Variants in IRS1 observed in about 807,000 individuals in gnomAD.
The protein encoded by IRS1 is insulin receptor substrate 1.
In IRS1, 34 loss-of-function variants were observed where a neutral mutation model predicts 65.6. That is an observed-to-expected ratio of 0.52 (90% CI 0.39 to 0.69). The LOEUF is 0.69. Among genes scored for constraint, IRS1 ranks in the 30% least tolerant of loss-of-function variants. The pLI is 0.00. For synonymous variants in IRS1, 699 were observed against 683.5 expected (o/e 1.02, Z -0.35); for missense variants, 1,641 against 1,720.2 (o/e 0.95, Z 0.81).
At chr2:226,791,775 G>T (rs965916411) in intron 1 of IRS1, among the ~76,000 whole-genome samples, 1 of 151,964 alleles carries the variant, frequency 6.6e-6, no homozygotes, top group South Asian at 2.1e-4. Context: ...ACCCAGAGCC[G>T]CGCGGCTGTG....
Position 226,795,369 on chromosome 2 carries a change from C to G in IRS1, c.3370G>C (p.Ala1124Pro), listed in dbSNP as rs1216877388. The G allele has an allele frequency of 6.2e-7, 1 of 1,613,118 alleles. No individual in the cohort carries two copies. Among genetic ancestry groups the G allele is most frequent in the Admixed American group, 1.7e-5 (1 of 60,034 alleles). Reference protein sequence around the residue: ...GNTVPFGAGAAVGGGGGSSSS... With the variant: ...GNTVPFGAGAPVGGGGGSSSS... ...CTGCTACCGCCACCGCCCCCTACTGCTGCCCCCGCTCCAAAGGGCACTGTG... is the reference window on the plus strand; with the variant it reads ...CTGCTACCGCCACCGCCCCCTACTGGTGCCCCCGCTCCAAAGGGCACTGTG... The change falls in exon 1 of 2, where the codon GCA becomes CCA. Residue 1124 changes from alanine (A) to proline (P), a missense_variant. This residue lies in a region of IRS1 where 1,324 missense variants were observed against 1,361.0 expected (regional missense o/e 0.97). Coordinates refer to ENST00000305123, the MANE Select transcript of IRS1 (RefSeq NM_005544.3).
intron 1 of IRS1, among the ~76,000 whole-genome samples, chr2:226,783,247 C>T (rs1178619153): frequency 6.6e-6 from 1 of 152,234 alleles, no homozygotes; most frequent in African/African-American, 2.4e-5. Context: ...TGAATCTGCA[C>T]TTGGCCCACA....
intron 1 of IRS1, among the ~76,000 whole-genome samples, chr2:226,787,830 G>A (rs1226840155): frequency 6.6e-6 from 1 of 152,104 alleles, no homozygotes; most frequent in Admixed American, 6.5e-5. Flanking sequence ...ATGATGATTG[G>A]AGAAGATTAG....
intron 1 of IRS1, among the ~76,000 whole-genome samples, chr2:226,751,572 C>T (rs367640005): frequency 2.0e-5 from 3 of 151,982 alleles, no homozygotes; most frequent in Non-Finnish European, 2.9e-5. Flanking sequence ...CGTGAGCCAC[C>T]GCGCCCGGCC....
chr2:226,791,643 C>T, intron 1 of IRS1, among the ~76,000 whole-genome samples: 1 of 151,960 alleles, frequency 6.6e-6, no homozygotes, highest in East Asian at 1.9e-4. Flanking sequence ...GACGCCCGCC[C>T]GCCACCACCG....
intron 1 of IRS1, among the ~76,000 whole-genome samples, chr2:226,749,548 G>A (rs976790656): frequency 6.6e-6 from 1 of 152,148 alleles, no homozygotes; most frequent in African/African-American, 2.4e-5. Flanking sequence ...AAGTCAATAG[G>A]AAGTTGACTT....
At chr2:226,779,868 C>G (rs1939347308) in intron 1 of IRS1, among the ~76,000 whole-genome samples, 1 of 152,204 alleles carries the variant, frequency 6.6e-6, no homozygotes, top group Admixed American at 6.5e-5. Flanking sequence ...GGAAAAGTCT[C>G]AAAGCAATTA....
intron 1 of IRS1, among the ~76,000 whole-genome samples, chr2:226,762,859 GC>G (rs1271309059): frequency 6.6e-6 from 1 of 152,086 alleles, no homozygotes; most frequent in Admixed American, 6.6e-5. Flanking sequence ...AAAGTGACAA[GC>G]CTACAAATAT....
In IRS1 at chr2:226,799,390, TGCC is replaced by T; in HGVS notation, c.-655_-653del. The T allele has an allele frequency of 2.4e-6, 3 of 1,259,826 alleles. No homozygotes were observed. The highest frequency in any genetic ancestry group is 3.1e-6 in the Non-Finnish European group (3 of 969,066). The allele number at this position is 1,259,826 out of a possible 1,614,324, so 78.0% of individuals were successfully genotyped here. A position where few individuals can be genotyped will look rare whatever the true frequency, so the allele number is the denominator to read the frequency against. Reference sequence around the variant, plus strand: ...TTGCTGCTGCTGCTGCTGCTGCTGCTGCCGCCGCCCGCGGGCGCGTCCTCTGCA... The same window carrying T: ...TTGCTGCTGCTGCTGCTGCTGCTGCTGCCGCCCGCGGGCGCGTCCTCTGCA... On this transcript the variant is annotated 5_prime_UTR_variant, in exon 1 of 2. Transcript: ENST00000305123. This position sits in a 1 kb window ranked among gnomAD's most constrained non-coding sequence, Gnocchi z 6.1.
At chr2:226,748,961 C>A (rs537623336) in intron 1 of IRS1, among the ~76,000 whole-genome samples, 26 of 152,226 alleles carry the variant, frequency 1.7e-4, no homozygotes, top group African/African-American at 6.0e-4. Flanking sequence ...TTAAATATAG[C>A]AAAAGGAGCT....
chr2:226,781,114 A>C (rs929162520), intron 1 of IRS1, among the ~76,000 whole-genome samples: 1 of 152,130 alleles, frequency 6.6e-6, no homozygotes, highest in African/African-American at 2.4e-5. Context: ...GAAGGGGTAA[A>C]TTTTCTGAAC....
chr2:226,776,526 C>A (rs1024309395), intron 1 of IRS1, among the ~76,000 whole-genome samples: 1 of 152,114 alleles, frequency 6.6e-6, no homozygotes, highest in African/African-American at 2.4e-5. Flanking sequence ...AGGTCAACAT[C>A]GACCTTGAGA....
At chr2:226,751,099 A>C (rs886369923) in intron 1 of IRS1, among the ~76,000 whole-genome samples, 2 of 152,102 alleles carry the variant, frequency 1.3e-5, no homozygotes, top group Non-Finnish European at 2.9e-5. Context: ...AATAGTTTGG[A>C]ATTAAAACAT....
In IRS1 at chr2:226,796,936, T is replaced by A. The variant is rs753721167; in HGVS notation, c.1803A>T (p.Pro601=). Residue 601 remains proline, a synonymous_variant, in exon 1 of 2, where the codon CCA becomes CCT. Coordinates refer to ENST00000305123, the MANE Select transcript of IRS1 (RefSeq NM_005544.3). ...PLERRGGHHR[P]DSSTLHTDDG... is the part of the protein sequence containing the mutation. ...CATCCGTGTGGAGGGTGGAGCTGTC[T>A]GGGCGGTGGTGCCCCCCCCGACGCT... is the stretch of plus-strand genomic sequence containing the variant. 1 of 1,554,536 alleles carries A rather than the reference T, an allele frequency of 6.4e-7. No individual in the cohort carries two copies. The highest frequency in any genetic ancestry group is 1.2e-5 in the South Asian group (1 of 80,904).
At chr2:226,745,091 G>A (rs937213806) in intron 1 of IRS1, among the ~76,000 whole-genome samples, 1 of 152,154 alleles carries the variant, frequency 6.6e-6, no homozygotes, top group African/African-American at 2.4e-5. Flanking sequence ...ATCTGTTATG[G>A]AAATGCAAGT....
chr2:226,740,988 C>T (rs1286960729), intron 1 of IRS1, among the ~76,000 whole-genome samples: 1 of 151,664 alleles, frequency 6.6e-6, no homozygotes, highest in East Asian at 1.9e-4. Flanking sequence ...ACATAAACAG[C>T]TGTGTGCTTT....
At chr2:226,739,447 C>A (rs967568065) in intron 1 of IRS1, among the ~76,000 whole-genome samples, 2 of 152,206 alleles carry the variant, frequency 1.3e-5, no homozygotes, top group African/African-American at 4.8e-5. Context: ...TGGGCATATT[C>A]TTTTGAATAG....
chr2:226,771,746 A>C (rs759883026), intron 1 of IRS1, among the ~76,000 whole-genome samples: 5 of 152,112 alleles, frequency 3.3e-5, no homozygotes, highest in Non-Finnish European at 7.4e-5. Context: ...GAGTGCTGAG[A>C]CTCAAGAGTA....
chr2:226,791,137 C>A (rs971410282), intron 1 of IRS1, among the ~76,000 whole-genome samples: 4 of 152,124 alleles, frequency 2.6e-5, no homozygotes, highest in African/African-American at 9.7e-5. Flanking sequence ...GTGTATGGAG[C>A]CTAGGGCACT....
Sources: allele counts gnomAD v4.1 joint callset (sites outside exome capture counted in the v4.1 genomes callset), GRCh38; gene constraint gnomAD v4.1.1; regional missense constraint gnomAD v4.1.1; non-coding constraint Gnocchi (gnomAD v3.1); transcripts MANE v1.5; gene names NCBI Gene and HGNC (gene_info 2026-07-23, HGNC 2026-07-21).